The following LYRM9 variants were observed in gnomAD, a reference collection of about 807,000 sequenced individuals.
The protein encoded by LYRM9 is LYR motif containing 9, also known as LYR motif-containing protein 9.
In LYRM9, 14 loss-of-function variants were observed where a neutral mutation model predicts 12.6. The observed-to-expected ratio is 1.11, with a 90% CI of 0.73 to 1.73. The LOEUF is 1.73. LYRM9 is among the 40% of genes most tolerant of loss of function. LYRM9 has a pLI of 0.00. For missense variants in LYRM9, 94 were observed against 95.0 expected, an observed-to-expected ratio of 0.99 and a Z score of 0.04; for synonymous variants, 42 against 35.1, an observed-to-expected ratio of 1.20 and a Z score of -0.69.
In LYRM9 at chr17:27,879,481, GT is replaced by G. The variant is rs1205147310; in HGVS notation, c.228del (p.Lys76AsnfsTer61). ...GCTCACCCTCGGAGCTCTCAGTTTT[GT>G]TTTTTATACTGCAAGACAGAGAGAT... ...DADWIMNKYK[K>X]QN On this transcript the variant is annotated frameshift_variant, in exon 4 of 4. Transcript: ENST00000379102. LOFTEE classifies it high-confidence loss of function. 6.4e-7 allele frequency: 1 copy of G among 1,551,918 alleles called. No homozygotes were observed. The highest frequency in any genetic ancestry group is 8.7e-7 in the Non-Finnish European group (1 of 1,147,286).
chr17:27,882,558 C>T lies in LYRM9; in HGVS notation c.126+11G>A. 1 of 1,571,214 alleles carries T rather than the reference C, an allele frequency of 6.4e-7. No homozygotes were observed. The highest frequency in any genetic ancestry group is 8.6e-7 in the Non-Finnish European group (1 of 1,159,822). ...GAGGCAGCCCCCAGACCTGGTAGAG[C>T]CAGCTCGCACCTGCCTGACAGCATG... On this transcript the variant is annotated intron_variant, in intron 2 of 3. Transcript: ENST00000379102.
At chr17:27,888,744 T>C (rs920065075) in intron 1 of LYRM9, among the ~76,000 whole-genome samples, 11 of 152,184 alleles carry the variant, frequency 7.2e-5, no homozygotes, top group African/African-American at 2.4e-4. Context: ...ATTTTCCTAA[T>C]AAAAAATCGC....
chr17:27,882,983 G>C, intron 1 of LYRM9: 1 of 545,252 alleles, frequency 1.8e-6, no homozygotes, highest in South Asian at 1.5e-5. Context: ...ACTTCAAGTG[G>C]TGCATGAGTA....
At chr17:27,892,478 C>T (rs917759363) in intron 1 of LYRM9, 2 of 443,116 alleles carry the variant, frequency 4.5e-6, no homozygotes, top group African/African-American at 4.1e-5. Context: ...AGGAAACTGT[C>T]CTGAAGTCAA....
At chr17:27,889,673 A>T (rs1394404074) in intron 1 of LYRM9, among the ~76,000 whole-genome samples, 2 of 152,090 alleles carry the variant, frequency 1.3e-5, no homozygotes, top group Non-Finnish European at 2.9e-5. Flanking sequence ...ACAATCTGCC[A>T]CCATCCTTAG....
rs930068061 is a variant in LYRM9 at position 27,879,546 on chromosome 17, T to G, written c.220-56A>C. 58 of 1,538,818 alleles carry G rather than the reference T, an allele frequency of 3.8e-5. 1 individual carries two copies. The highest frequency in any genetic ancestry group is 5.0e-5 in the Non-Finnish European group (57 of 1,137,870). ...GGGAAGCCAACAGGGGCAGGAGGAC[T>G]CTGGAGAAATCTCAGGCCTCCATCA... is the stretch of plus-strand genomic sequence containing the variant. On this transcript the variant is annotated intron_variant, in intron 3 of 3. Coordinates refer to ENST00000379102, the MANE Select transcript of LYRM9 (RefSeq NM_001076680.3).
In LYRM9 at chr17:27,878,818, G is replaced by A. The variant is rs929710467; in HGVS notation, c.*655C>T. Reference sequence around the variant, plus strand: ...AGTCAGGAAAAGCAGCTCCTTGGCAGACTGCTGGGTGTGTGACAACTGTGA... The same window carrying A: ...AGTCAGGAAAAGCAGCTCCTTGGCAAACTGCTGGGTGTGTGACAACTGTGA... On this transcript the variant is annotated 3_prime_UTR_variant, in exon 4 of 4. Transcript: ENST00000379102. 3.9e-5 allele frequency: 6 copies of A among 152,446 alleles called. No homozygotes were observed. Among genetic ancestry groups the A allele is most frequent in the African/African-American group, 1.4e-4 (6 of 41,442 alleles). 9.4% of individuals were successfully genotyped at this position (152,446 alleles called of 1,614,324 possible). A position where few individuals can be genotyped will look rare whatever the true frequency, so the allele number is the denominator to read the frequency against.
At chr17:27,879,603 C>A (rs567778868) in intron 3 of LYRM9, 113 bp from the exon 4 acceptor site, 1 of 1,217,452 alleles carries the variant, frequency 8.2e-7, no homozygotes, top group African/African-American at 1.5e-5. Context: ...GCAGGGGCTT[C>A]TTGGAGGTGG....
intron 1 of LYRM9, chr17:27,892,773 T>C (rs2142604165): frequency 5.3e-6 from 1 of 188,548 alleles, no homozygotes; most frequent in South Asian, 8.9e-5. Context: ...TTGTGCACTT[T>C]AGATGGGTGA....
At chr17:27,880,585 A>G in intron 2 of LYRM9, 1 of 577,396 alleles carries the variant, frequency 1.7e-6, no homozygotes, top group East Asian at 2.9e-5. Flanking sequence ...TGTGACTGCA[A>G]AGCATGTACT....
chr17:27,879,970 GCTCTGGCA>G, intron 3 of LYRM9: 1 of 631,084 alleles, frequency 1.6e-6, no homozygotes, highest in East Asian at 2.8e-5. Context: ...GCCACCGCCG[GCTCTGGCA>G]CTATAGCTTT....
At chr17:27,880,708 T>A (rs1905022013) in intron 2 of LYRM9, 1 of 307,932 alleles carries the variant, frequency 3.2e-6, no homozygotes, top group South Asian at 4.3e-5. Context: ...TCTCTCTTCC[T>A]CAGAAGACGC....
chr17:27,879,902 C>T (rs1051165282), intron 3 of LYRM9: 9 of 587,914 alleles, frequency 1.5e-5, no homozygotes, highest in South Asian at 4.3e-5. Context: ...AGTGTGAATA[C>T]CCCCCAGAGA....
At chr17:27,882,524 C>A in intron 2 of LYRM9, 45 bp downstream of exon 2, 1 of 1,515,144 alleles carries the variant, frequency 6.6e-7, no homozygotes, top group Non-Finnish European at 8.8e-7. Flanking sequence ...GCCCCTAAGC[C>A]TGCCATTAGA....
intron 1 of LYRM9, among the ~76,000 whole-genome samples, chr17:27,888,024 G>A (rs562020078): frequency 1.3e-5 from 2 of 152,252 alleles, no homozygotes; most frequent in African/African-American, 2.4e-5. Context: ...TTACTCCATC[G>A]AACAATTTAA....
chr17:27,879,328 C>A lies in LYRM9; in HGVS notation c.*145G>T, dbSNP rs2142577928. 3.9e-6 allele frequency: 3 copies of A among 770,372 alleles called. No individual in the cohort carries two copies. The highest frequency in any genetic ancestry group is 4.8e-5 in the South Asian group (2 of 41,628). The allele number at this position is 770,372 out of a possible 1,614,324, so 47.7% of individuals were successfully genotyped here. ...AGCAACATGGCCGCGGCAAGAGGAGCCTCTGGAGCAAGGTCAGCTTCTCCC... is the reference window on the plus strand; with the variant it reads ...AGCAACATGGCCGCGGCAAGAGGAGACTCTGGAGCAAGGTCAGCTTCTCCC... On this transcript the variant is annotated 3_prime_UTR_variant, in exon 4 of 4. Transcript: ENST00000379102.
rs1192261011 is a variant in LYRM9, at chr17:27,879,460, A to G, written c.*13T>C. Reference sequence around the variant, plus strand: ...CAACTTCCAGAGGCCAGGAAGGCTCACCCTCGGAGCTCTCAGTTTTGTTTT... The same window carrying G: ...CAACTTCCAGAGGCCAGGAAGGCTCGCCCTCGGAGCTCTCAGTTTTGTTTT... On this transcript the variant is annotated 3_prime_UTR_variant, in exon 4 of 4. Coordinates refer to ENST00000379102, the MANE Select transcript of LYRM9 (RefSeq NM_001076680.3). 6.4e-7 allele frequency: 1 copy of G among 1,550,976 alleles called. No individual in the cohort carries two copies. Among genetic ancestry groups the G allele is most frequent in the Non-Finnish European group, 8.7e-7 (1 of 1,146,856 alleles).
At chr17:27,879,904 C>G (rs891224419) in intron 3 of LYRM9, 25 of 591,464 alleles carry the variant, frequency 4.2e-5, no homozygotes, top group African/African-American at 1.9e-5. Flanking sequence ...TGTGAATACC[C>G]CCCAGAGACA....
chr17:27,879,510 G>C lies in LYRM9; in HGVS notation c.220-20C>G, dbSNP rs768032877. 5 of 1,551,884 alleles carry C rather than the reference G, an allele frequency of 3.2e-6. No individual in the cohort carries two copies. The highest frequency in any genetic ancestry group is 4.4e-6 in the Non-Finnish European group (5 of 1,147,140). On this transcript the variant is annotated intron_variant, in intron 3 of 3. Transcript: ENST00000379102. ...TTTATACTGCAAGACAGAGAGATTC[G>C]AAGTGGAGGAGGGAAGCCAACAGGG...
Sources: gnomAD v4.1 joint callset for allele counts (sites outside exome capture counted in the v4.1 genomes callset) on GRCh38, gnomAD v4.1.1 for gene constraint, MANE v1.5 for transcripts, NCBI Gene and HGNC (gene_info 2026-07-23, HGNC 2026-07-21) for gene names.